FCRL5: variants seen among roughly 807,000 people sequenced by gnomAD.
FCRL5 encodes Fc receptor like 5.
In FCRL5, 79 loss-of-function variants were observed where a neutral mutation model predicts 92.1. The ratio of observed to expected loss-of-function variants is 0.86; its 90% confidence interval spans 0.72 to 1.03. The LOEUF (loss-of-function observed/expected upper bound fraction) is 1.03. Ranked by LOEUF, FCRL5 falls within the 50% of genes least tolerant of loss-of-function variation. The pLI is 0.00. For synonymous variants in FCRL5, 466 were observed against 469.3 expected (o/e 0.99, Z 0.09); for missense variants, 1,160 against 1,181.1 (o/e 0.98, Z 0.26).
intron 11 of FCRL5, 67 bp downstream of exon 11, chr1:157,520,950 G>A: frequency 1.3e-6 from 2 of 1,526,482 alleles, no homozygotes; most frequent in South Asian, 1.3e-5. Flanking sequence ...AGCACTGTGA[G>A]GGTTATCAGA....
At chr1:157,536,698 C>T (rs1323978289) in intron 7 of FCRL5, among the ~76,000 whole-genome samples, 3 of 152,246 alleles carry the variant, frequency 2.0e-5, no homozygotes, top group Non-Finnish European at 2.9e-5. Context: ...ACTGACCACT[C>T]TCCAGTTCCT....
chr1:157,538,949 T>C, intron 7 of FCRL5, 137 bp downstream of exon 7: 1 of 971,740 alleles, frequency 1.0e-6, no homozygotes, highest in South Asian at 1.8e-5. Context: ...TTCAGTGAGC[T>C]AGAGAGTGGA....
At position 157,534,763 on chromosome 1, in the gene FCRL5, T is replaced by A. The variant is rs148674068; in HGVS notation, c.1532A>T (p.Asp511Val). 5.8e-4 allele frequency: 942 copies of A among 1,614,134 alleles called. 5 individuals carry two copies. In the African/African-American group the frequency reaches 0.011, roughly 19 times the overall value. ...PQILYQFYHE[D>V]MPLWSSSTPS... Reference sequence around the variant, plus strand: ...TGTTGAGCTGCTCCACAGGGGCATGTCCTCATGATAAAACTGGTATAGGAT... The same window carrying A: ...TGTTGAGCTGCTCCACAGGGGCATGACCTCATGATAAAACTGGTATAGGAT... The change falls in exon 8 of 17, where the codon GAC becomes GTC. Residue 511 changes from aspartate (D) to valine (V), a missense_variant. Asp to Val is a radical substitution (Grantham distance 152, BLOSUM62 -3). Coordinates refer to ENST00000361835, the MANE Select transcript of FCRL5 (RefSeq NM_031281.3).
intron 5 of FCRL5, among the ~76,000 whole-genome samples, chr1:157,543,836 T>A (rs1440898184): frequency 1.3e-5 from 2 of 152,226 alleles, no homozygotes; most frequent in Non-Finnish European, 2.9e-5. Context: ...GTAACTATAA[T>A]GTTGCAACCT....
chr1:157,549,694 T>A, intron 1 of FCRL5, 114 bp from the exon 2 acceptor site: 1 of 766,942 alleles, frequency 1.3e-6, no homozygotes, highest in Non-Finnish European at 2.1e-6. Context: ...AAAATTCATT[T>A]AAAAACTCTA....
rs1376830306 is a variant in FCRL5, at chr1:157,518,844, C to G, written c.2661-62G>C. 43 of 1,390,220 alleles carry G rather than the reference C, an allele frequency of 3.1e-5. No individual in the cohort carries two copies. In the East Asian group the frequency reaches 9.5e-4, roughly 31 times the overall value. The allele number at this position is 1,390,220 out of a possible 1,614,324, so 86.1% of individuals were successfully genotyped here. Reference sequence around the variant, plus strand: ...CCAGACAAAGTAGCTATAATGATCACTCCTAGTGAGTGACTTCTTACTGCA... The same window carrying G: ...CCAGACAAAGTAGCTATAATGATCAGTCCTAGTGAGTGACTTCTTACTGCA... On this transcript the variant is annotated intron_variant, in intron 13 of 16. Coordinates refer to ENST00000361835, the MANE Select transcript of FCRL5 (RefSeq NM_031281.3).
chr1:157,534,933 C>T, intron 7 of FCRL5, 41 bp from the exon 8 acceptor site: 2 of 1,510,532 alleles, frequency 1.3e-6, no homozygotes, highest in East Asian at 2.3e-5. Flanking sequence ...GCTTTTGCCT[C>T]TTACTGTAGA....
chr1:157,538,068 TG>T (rs1221300036), intron 7 of FCRL5, among the ~76,000 whole-genome samples: 1 of 152,206 alleles, frequency 6.6e-6, no homozygotes, highest in Non-Finnish European at 1.5e-5. Context: ...ATTTAGTAGG[TG>T]AAGAAGTGGG....
chr1:157,544,867 G>A lies in FCRL5; in HGVS notation c.523C>T (p.Pro175Ser), dbSNP rs1279292529. The change falls in exon 4 of 17, where the codon CCT becomes TCT. Residue 175 changes from proline to serine, a missense_variant. Coordinates refer to ENST00000361835, the MANE Select transcript of FCRL5 (RefSeq NM_031281.3). ...RCTGYKESCC[P>S]VSSNTVKIQV... is the part of the protein sequence containing the mutation. ...ATTTTGACTGTATTGGAAGAAACAG[G>A]GCAACAACTTTCCTTATATCCAGTA... 1 of 1,614,042 alleles carries A rather than the reference G, an allele frequency of 6.2e-7. No homozygotes were observed. Among genetic ancestry groups the A allele is most frequent in the Non-Finnish European group, 8.5e-7 (1 of 1,180,038 alleles).
At chr1:157,540,537 A>C (rs972745458) in intron 6 of FCRL5, among the ~76,000 whole-genome samples, 1 of 152,028 alleles carries the variant, frequency 6.6e-6, no homozygotes, top group African/African-American at 2.4e-5. Flanking sequence ...AAAAAAAAAA[A>C]AACCATCAGA....
At position 157,545,039 on chromosome 1, in the gene FCRL5, G is replaced by C. The variant is rs780136112; in HGVS notation, c.351C>G (p.Asp117Glu). 1.5e-5 allele frequency: 25 copies of C among 1,612,916 alleles called. No individual in the cohort carries two copies. The highest frequency in any genetic ancestry group is 1.1e-5 in the South Asian group (1 of 91,028). The change falls in exon 4 of 17, where the codon GAC (aspartate) becomes GAG (glutamate). Residue 117 changes from aspartate (D) to glutamate (E), a missense_variant. Asp to Glu is a conservative substitution (Grantham distance 45). Transcript: ENST00000361835. The part of the protein sequence containing the change: ...LQAPLSVFEG[D>E]SVVLRCRAKA... ...TTGCCCGGCACCTCAGAACCACAGA[G>C]TCTCCTTCAAACACAGAAAGTGGAG...
intron 7 of FCRL5, among the ~76,000 whole-genome samples, chr1:157,536,131 A>G (rs1193115432): frequency 4.0e-5 from 6 of 151,744 alleles, no homozygotes; most frequent in Non-Finnish European, 8.8e-5. Context: ...TAGTAGACAC[A>G]GGATTTCACT....
chr1:157,541,108 C>G (rs1159518104), intron 6 of FCRL5, among the ~76,000 whole-genome samples: 2 of 152,194 alleles, frequency 1.3e-5, no homozygotes, highest in Admixed American at 1.3e-4. Flanking sequence ...TTAGCTTTGC[C>G]TTATCCAAAC....
intron 7 of FCRL5, among the ~76,000 whole-genome samples, chr1:157,537,942 A>C (rs1286403938): frequency 6.6e-6 from 1 of 152,134 alleles, no homozygotes; most frequent in Admixed American, 6.5e-5. Context: ...TGTTTTCTCT[A>C]TTACTTGACT....
rs1159664452 is a variant in FCRL5 at position 157,515,850 on chromosome 1, T to A, written c.2836A>T (p.Arg946Trp). 6.2e-7 allele frequency: 1 copy of A among 1,613,928 alleles called. No homozygotes were observed. Among genetic ancestry groups the A allele is most frequent in the Non-Finnish European group, 8.5e-7 (1 of 1,180,018 alleles). Reference protein sequence around the residue: ...HAVASDPRHLRNKGSPIIYSE... With the variant: ...HAVASDPRHLWNKGSPIIYSE... Reference sequence around the variant, plus strand: ...CAGAAGGGGAGACTCACCTTGTTCCTGAGATGCCTGGGGTCAGAGGCCACT... The same window carrying A: ...CAGAAGGGGAGACTCACCTTGTTCCAGAGATGCCTGGGGTCAGAGGCCACT... Residue 946 changes from arginine to tryptophan, a missense_variant, in exon 16 of 17, where the codon AGG becomes TGG. Transcript: ENST00000361835.
In FCRL5 at chr1:157,518,508, A is replaced by T. The variant is rs1296545132; in HGVS notation, c.2744-11T>A. ...CTCCTCTAGGATTTGCTTAGAAAAAAGTTGAAGTTTCAGAGGATGCTGAGG... is the reference window on the plus strand; with the variant it reads ...CTCCTCTAGGATTTGCTTAGAAAAATGTTGAAGTTTCAGAGGATGCTGAGG... On this transcript the variant is annotated splice_polypyrimidine_tract_variant and intron_variant, in intron 14 of 16. Coordinates refer to ENST00000361835, the MANE Select transcript of FCRL5 (RefSeq NM_031281.3). 6.2e-7 allele frequency: 1 copy of T among 1,612,514 alleles called. No homozygotes were observed. The highest frequency in any genetic ancestry group is 8.5e-7 in the Non-Finnish European group (1 of 1,178,590).
chr1:157,543,140 G>A lies in FCRL5; in HGVS notation c.845-3C>T. On this transcript the variant is annotated splice_region_variant and splice_polypyrimidine_tract_variant and intron_variant, in intron 5 of 16. Transcript: ENST00000361835. ...GAGGACAGGATGAGATGCAGGGACT[G>A]AGCAAGAGAAAAAATTAGTCAAGAA... is the stretch of plus-strand genomic sequence containing the variant. The A allele has an allele frequency of 6.2e-7, 1 of 1,610,084 alleles. No homozygotes were observed. The highest frequency in any genetic ancestry group is 2.2e-5 in the East Asian group (1 of 44,834).
At chr1:157,538,490 C>T (rs7548135) in intron 7 of FCRL5, among the ~76,000 whole-genome samples, 4,498 of 152,274 alleles carry the variant, frequency 0.03, 205 homozygotes, top group African/African-American at 0.1. Flanking sequence ...CCTGAGTAGC[C>T]GTGAGGGCAT....
chr1:157,535,491 T>C (rs1488706036), intron 7 of FCRL5, among the ~76,000 whole-genome samples: 3 of 152,240 alleles, frequency 2.0e-5, no homozygotes, highest in African/African-American at 7.2e-5. Context: ...GACAGACTTC[T>C]GGAAGAAGTG....
Sources: allele counts gnomAD v4.1 joint callset (sites outside exome capture counted in the v4.1 genomes callset), GRCh38; gene constraint gnomAD v4.1.1; transcripts MANE v1.5; gene names NCBI Gene and HGNC (gene_info 2026-07-23, HGNC 2026-07-21).